Variants in TEN1 observed in about 807,000 individuals in gnomAD.
TEN1 encodes TEN1 subunit of CST complex.
A neutral mutation model predicts 9.3 loss-of-function variants in TEN1; 6 were observed. The observed-to-expected ratio is 0.65, with a 90% CI of 0.35 to 1.27. The LOEUF is 1.27. Ranked by LOEUF, TEN1 falls within the 50% of genes most tolerant of loss-of-function variation. The probability of loss-of-function intolerance (pLI) is 0.03; values close to 1 mark genes in which losing one functional copy is unlikely to be tolerated. For synonymous variants in TEN1, 65 were observed against 65.6 expected (o/e 0.99, Z 0.04); for missense variants, 149 against 158.2 (o/e 0.94, Z 0.31).
At chr17:75,986,075 C>T (rs2066150490) in intron 1 of TEN1, 112 bp from the exon 2 acceptor site, 1 of 833,424 alleles carries the variant, frequency 1.2e-6, no homozygotes, top group East Asian at 3.0e-5. Flanking sequence ...ACACTGCCTA[C>T]TGGAATTAGT....
intron 3 of TEN1, among the ~76,000 whole-genome samples, chr17:75,994,298 G>A (rs898054204): frequency 2.1e-4 from 31 of 150,972 alleles, no homozygotes; most frequent in African/African-American, 7.5e-4. Context: ...GCTGGGCGTG[G>A]TGGTGCATGC....
At chr17:75,980,785 A>G (rs899817747) in intron 1 of TEN1, among the ~76,000 whole-genome samples, 2 of 152,228 alleles carry the variant, frequency 1.3e-5, no homozygotes, top group African/African-American at 2.4e-5. Flanking sequence ...CGAGAGATGC[A>G]TAACATTCAT....
rs1337853182 is a variant in TEN1 at position 76,000,504 on chromosome 17, G to A, written c.*242G>A. 1 of 571,312 alleles carries A rather than the reference G, an allele frequency of 1.8e-6. No homozygotes were observed. Among genetic ancestry groups the A allele is most frequent in the Non-Finnish European group, 2.9e-6 (1 of 346,476 alleles). The allele number at this position is 571,312 out of a possible 1,614,324, so 35.4% of individuals were successfully genotyped here. A position where few individuals can be genotyped will look rare whatever the true frequency, so the allele number is the denominator to read the frequency against. On this transcript the variant is annotated 3_prime_UTR_variant, in exon 4 of 4. Coordinates refer to ENST00000397640, the MANE Select transcript of TEN1 (RefSeq NM_001113324.3). The surrounding 1 kb of genome is among the most constrained non-coding windows in gnomAD (Gnocchi z 5.9). ...GGAGACTGCAGGTGGCCGAGCTTGG[G>A]CGCCGGGGCCGTGCTTGGTGTGGGG...
chr17:75,979,836 G>T (rs1339644669), intron 1 of TEN1, among the ~76,000 whole-genome samples: 1 of 151,530 alleles, frequency 6.6e-6, no homozygotes, highest in Non-Finnish European at 1.5e-5. Context: ...TGGGTTCCGG[G>T]GCCCTGGGTG....
At chr17:75,981,845 C>T (rs1410713693) in intron 1 of TEN1, among the ~76,000 whole-genome samples, 9 of 152,078 alleles carry the variant, frequency 5.9e-5, no homozygotes, top group South Asian at 4.1e-4. Context: ...CTGGCTAACA[C>T]GGTGAAACCC....
Position 76,000,177 on chromosome 17 carries a change from G to C in TEN1, c.287G>C (p.Cys96Ser). ...GTGGTGAAGGCGCGCGTGCTGACCT[G>C]TGTGGAGGGGATGAACCTGCCCTTG... ...GSVVKARVLTCVEGMNLPLLE... is the reference protein window; with the variant it reads ...GSVVKARVLTSVEGMNLPLLE... Residue 96 changes from cysteine to serine, a missense_variant, in exon 4 of 4, where the codon TGT (cysteine) becomes TCT (serine). Coordinates refer to ENST00000397640, the MANE Select transcript of TEN1 (RefSeq NM_001113324.3). The surrounding 1 kb of genome is among the most constrained non-coding windows in gnomAD (Gnocchi z 5.9). The C allele has an allele frequency of 6.4e-7, 1 of 1,551,568 alleles. No homozygotes were observed. Among genetic ancestry groups the C allele is most frequent in the Non-Finnish European group, 8.7e-7 (1 of 1,146,974 alleles).
intron 3 of TEN1, among the ~76,000 whole-genome samples, chr17:75,992,046 C>T (rs1190651085): frequency 1.8e-5 from 1 of 54,154 alleles, no homozygotes; most frequent in Non-Finnish European, 3.9e-5. Context: ...GACTCCGTCT[C>T]AAAAAAAAAA....
intron 3 of TEN1, among the ~76,000 whole-genome samples, chr17:75,994,564 G>A (rs892666441): frequency 6.7e-5 from 10 of 150,106 alleles, no homozygotes; most frequent in African/African-American, 2.4e-4. Context: ...TGCAACCTCC[G>A]CCTCCCAGGT....
At chr17:75,981,639 T>C (rs1302305194) in intron 1 of TEN1, among the ~76,000 whole-genome samples, 2 of 148,902 alleles carry the variant, frequency 1.3e-5, no homozygotes, top group African/African-American at 5.0e-5. Context: ...CTCCCTCAGG[T>C]GCATTCTCCC....
intron 3 of TEN1, among the ~76,000 whole-genome samples, chr17:75,993,874 T>C (rs1229229078): frequency 2.0e-5 from 3 of 152,088 alleles, no homozygotes; most frequent in African/African-American, 7.2e-5. Flanking sequence ...CACACGCCTG[T>C]AGTCCCAGCT....
intron 1 of TEN1, among the ~76,000 whole-genome samples, chr17:75,981,460 T>A (rs892587571): frequency 6.6e-6 from 1 of 152,160 alleles, no homozygotes; most frequent in African/African-American, 2.4e-5. Flanking sequence ...GTGCTGAGAT[T>A]ACAGGCGTGA....
rs1487817372 is a variant in TEN1 at position 76,000,137 on chromosome 17, G to A, written c.251-4G>A. ...CCGTTCGTGCCCTGGTGTTTGTCTT[G>A]CAGACAGAGGCTCCGTGGTGAAGGC... On this transcript the variant is annotated splice_polypyrimidine_tract_variant and splice_region_variant and intron_variant, in intron 3 of 3. Coordinates refer to ENST00000397640, the MANE Select transcript of TEN1 (RefSeq NM_001113324.3). The surrounding 1 kb of genome is among the most constrained non-coding windows in gnomAD (Gnocchi z 5.9). 2.6e-6 allele frequency: 4 copies of A among 1,550,500 alleles called. No individual in the cohort carries two copies. The African/African-American group carries it at 5.5e-5, about 21-fold the overall frequency.
chr17:75,981,456 A>G (rs1415776450), intron 1 of TEN1, among the ~76,000 whole-genome samples: 5 of 151,970 alleles, frequency 3.3e-5, no homozygotes, highest in Admixed American at 2.6e-4. Flanking sequence ...CAAAGTGCTG[A>G]GATTACAGGC....
At chr17:75,990,193 G>A (rs11868861) in intron 2 of TEN1, among the ~76,000 whole-genome samples, 7,923 of 151,848 alleles carry the variant, frequency 0.052, 658 homozygotes, top group African/African-American at 0.18. Flanking sequence ...CCACAGCTGC[G>A]TGCCACCATG....
chr17:75,994,225 G>A (rs1480488597), intron 3 of TEN1, among the ~76,000 whole-genome samples: 3 of 151,608 alleles, frequency 2.0e-5, no homozygotes, highest in Non-Finnish European at 2.9e-5. Flanking sequence ...ACCGGAGGTC[G>A]GAAATTCAAG....
In TEN1 at chr17:75,999,362, A is replaced by T. The variant is rs1224121654; in HGVS notation, c.251-779A>T. Among the ~76,000 whole-genome samples, 3 of 151,608 alleles carry T rather than the reference A, an allele frequency of 2.0e-5. No individual in the cohort carries two copies. The East Asian group carries it at 5.8e-4, about 29-fold the overall frequency. ...TCTCAAAAAAAAAATTTTTTTTTTT[A>T]GGTGGAGTCTTGCTCTGTTGCCCAG... On this transcript the variant is annotated intron_variant, in intron 3 of 3. Transcript: ENST00000397640.
intron 3 of TEN1, among the ~76,000 whole-genome samples, chr17:75,993,601 A>T (rs761759012): frequency 1.3e-5 from 2 of 152,180 alleles, no homozygotes; most frequent in African/African-American, 4.8e-5. Context: ...GGCCTGATCA[A>T]TGTCGACGTG....
At chr17:75,987,496 C>T (rs1001946050) in intron 2 of TEN1, among the ~76,000 whole-genome samples, 1 of 152,198 alleles carries the variant, frequency 6.6e-6, no homozygotes, top group Non-Finnish European at 1.5e-5. Context: ...TCAGTCATTT[C>T]TGCAGTATCC....
At position 76,000,290 on chromosome 17, in the gene TEN1, C is replaced by T. The variant is rs1202105137; in HGVS notation, c.*28C>T. The T allele has an allele frequency of 6.5e-7, 1 of 1,545,294 alleles. No individual in the cohort carries two copies. The highest frequency in any genetic ancestry group is 1.4e-5 in the African/African-American group (1 of 72,968). ...AACAGCAGCCTAGCAACACCCTCAC[C>T]TGCTTCAGAGCCCGAACCCTCTGGA... On this transcript the variant is annotated 3_prime_UTR_variant, in exon 4 of 4. Transcript: ENST00000397640. This position sits in a 1 kb window ranked among gnomAD's most constrained non-coding sequence, Gnocchi z 5.9.
Sources: gnomAD v4.1 joint callset for allele counts (sites outside exome capture counted in the v4.1 genomes callset) on GRCh38, gnomAD v4.1.1 for gene constraint, Gnocchi (gnomAD v3.1) non-coding constraint, MANE v1.5 for transcripts, NCBI Gene and HGNC (gene_info 2026-07-23, HGNC 2026-07-21) for gene names.